Variants in MFAP3L observed in about 807,000 individuals in gnomAD.
The protein encoded by MFAP3L is microfibrillar-associated protein 3-like.
MFAP3L carries 5 observed loss-of-function variants against 20.0 expected under a neutral mutation model. That is an observed-to-expected ratio of 0.25 (90% CI 0.13 to 0.53). MFAP3L has a LOEUF of 0.53. Ranked by LOEUF, MFAP3L falls within the 20% of genes least tolerant of loss-of-function variation. MFAP3L has a pLI of 0.96. For synonymous variants in MFAP3L, 219 were observed against 213.0 expected, an observed-to-expected ratio of 1.03 and a Z score of -0.25; for missense variants, 409 against 527.5, an observed-to-expected ratio of 0.78 and a Z score of 2.20.
chr4:170,013,486 G>T (rs1739508450), intron 1 of MFAP3L, among the ~76,000 whole-genome samples: 3 of 152,062 alleles, frequency 2.0e-5, no homozygotes, highest in African/African-American at 7.2e-5. Flanking sequence ...CATTAGACTT[G>T]GAAAAACTTG....
intron 2 of MFAP3L, chr4:170,003,941 G>A: frequency 1.4e-6 from 1 of 712,554 alleles, no homozygotes; most frequent in Non-Finnish European, 1.7e-6. Context: ...ACTGTCAGTA[G>A]TGAAGGTTCT....
chr4:169,988,655 G>A lies in MFAP3L; in HGVS notation c.*2723C>T, dbSNP rs1046864944. 1 of 152,202 alleles carries A rather than the reference G, an allele frequency of 6.6e-6. No individual in the cohort carries two copies. Among genetic ancestry groups the A allele is most frequent in the Non-Finnish European group, 1.5e-5 (1 of 68,036 alleles). The allele number at this position is 152,202 out of a possible 1,614,324, so 9.4% of individuals were successfully genotyped here. A position where few individuals can be genotyped will look rare whatever the true frequency, so the allele number is the denominator to read the frequency against. On this transcript the variant is annotated 3_prime_UTR_variant, in exon 3 of 3. Coordinates refer to ENST00000361618, the MANE Select transcript of MFAP3L (RefSeq NM_021647.8). Reference sequence around the variant, plus strand: ...TCTTCTGCATTTCATATTCTAGCAGGAGGGCCTCTCATTTCATAAAGAAGC... The same window carrying A: ...TCTTCTGCATTTCATATTCTAGCAGAAGGGCCTCTCATTTCATAAAGAAGC...
Position 169,988,276 on chromosome 4 carries a change from CAT to C in MFAP3L, c.*3100_*3101del, listed in dbSNP as rs1464845423. 5 of 152,118 alleles carry C rather than the reference CAT, an allele frequency of 3.3e-5. No homozygotes were observed. Among genetic ancestry groups the C allele is most frequent in the Non-Finnish European group, 5.9e-5 (4 of 68,018 alleles). 9.4% of individuals were successfully genotyped at this position (152,118 alleles called of 1,614,324 possible). The stretch of plus-strand genomic sequence containing the variant: ...TATAAAACAAAACCATTATAAATTA[CAT>C]AGATTTTTCCATATAAAATTGTTTT... On this transcript the variant is annotated 3_prime_UTR_variant, in exon 3 of 3. Transcript: ENST00000361618.
chr4:169,994,089 G>T, intron 2 of MFAP3L: 1 of 799,898 alleles, frequency 1.3e-6, no homozygotes, highest in Non-Finnish European at 1.5e-6. Flanking sequence ...ACTACAGCAG[G>T]CATGGACAAA....
chr4:169,992,130 C>A lies in MFAP3L; in HGVS notation c.478G>T (p.Ala160Ser). ...TTGAGGACCATGACGATGGTGAAGG[C>A]CACCAGGCACACGACCATGTAGTAG... is the stretch of plus-strand genomic sequence containing the variant. ...GVYYMVVCLV[A>S]FTIVMVLNIT... Residue 160 changes from alanine to serine, a missense_variant, in exon 3 of 3, where the codon GCC (alanine) becomes TCC (serine). This residue lies in a region of MFAP3L where 127 missense variants were observed against 218.1 expected (regional missense o/e 0.58). Transcript: ENST00000361618. This position sits in a 1 kb window ranked among gnomAD's most constrained non-coding sequence, Gnocchi z 4.3. 1 of 1,614,136 alleles carries A rather than the reference C, an allele frequency of 6.2e-7. No homozygotes were observed. Among genetic ancestry groups the A allele is most frequent in the Non-Finnish European group, 8.5e-7 (1 of 1,180,034 alleles).
intron 1 of MFAP3L, among the ~76,000 whole-genome samples, chr4:170,013,196 TG>T (rs550226364): frequency 9.8e-5 from 15 of 152,324 alleles, no homozygotes; most frequent in African/African-American, 3.6e-4. Flanking sequence ...AGAAATATAC[TG>T]TTTAAATTGC....
rs775007085 is a variant in MFAP3L, at chr4:170,005,752, G to T, written c.126C>A (p.Val42=). 6.2e-7 allele frequency: 1 copy of T among 1,614,222 alleles called. No individual in the cohort carries two copies. Among genetic ancestry groups the T allele is most frequent in the Non-Finnish European group, 8.5e-7 (1 of 1,180,042 alleles). ...CAATGATTACGGGCACAGAGCCCAAGACCACGTTAGTGCCATTTAAAGTGC... is the reference window on the plus strand; with the variant it reads ...CAATGATTACGGGCACAGAGCCCAATACCACGTTAGTGCCATTTAAAGTGC... ...TNSTLNGTNV[V]LGSVPVIIAR... Residue 42 remains valine, a synonymous_variant, in exon 2 of 3, where the codon GTC becomes GTA. Transcript: ENST00000361618.
intron 2 of MFAP3L, among the ~76,000 whole-genome samples, chr4:169,999,276 A>T (rs1738441667): frequency 6.6e-6 from 1 of 152,186 alleles, no homozygotes; most frequent in African/African-American, 2.4e-5. Flanking sequence ...GTGGCCTGGG[A>T]TAATATGGGC....
chr4:170,018,556 C>T (rs1414693640), intron 1 of MFAP3L, among the ~76,000 whole-genome samples: 1 of 152,174 alleles, frequency 6.6e-6, no homozygotes, highest in African/African-American at 2.4e-5. Context: ...GGCAAGAAGA[C>T]ATCAGAAGTC....
upstream of MFAP3L, chr4:170,027,002 C>T (rs1730490132): frequency 6.6e-6 from 1 of 152,162 alleles, no homozygotes; most frequent in African/African-American, 2.4e-5. Flanking sequence ...GAAAAAAACC[C>T]AGCGGGCCGT....
chr4:169,999,869 C>T (rs1240180731), intron 2 of MFAP3L, among the ~76,000 whole-genome samples: 2 of 152,162 alleles, frequency 1.3e-5, no homozygotes, highest in East Asian at 1.9e-4. Flanking sequence ...TTTCTCAACT[C>T]GGGTACTACT....
At chr4:169,995,845 T>C (rs939954611) in intron 2 of MFAP3L, among the ~76,000 whole-genome samples, 2 of 152,084 alleles carry the variant, frequency 1.3e-5, no homozygotes, top group African/African-American at 4.8e-5. Flanking sequence ...ACCCAAAATG[T>C]CAGTAGCAGA....
intron 1 of MFAP3L, among the ~76,000 whole-genome samples, chr4:170,019,783 G>A (rs1347473446): frequency 1.3e-5 from 2 of 152,160 alleles, no homozygotes; most frequent in Non-Finnish European, 2.9e-5. Flanking sequence ...ATCCTCAGTG[G>A]AAGGAAGGGG....
rs1739007685 is a variant in MFAP3L, at chr4:170,005,989, G to C, written c.-112C>G. On this transcript the variant is annotated 5_prime_UTR_variant, in exon 2 of 3. Transcript: ENST00000361618. ...GGGACAAACCTGTCCTGGGTCCATA[G>C]AGTTGGTACTTGAGCAAGAACCTGT... 1 of 1,454,628 alleles carries C rather than the reference G, an allele frequency of 6.9e-7. No individual in the cohort carries two copies. The highest frequency in any genetic ancestry group is 9.0e-7 in the Non-Finnish European group (1 of 1,105,638). The allele number at this position is 1,454,628 out of a possible 1,614,324, so 90.1% of individuals were successfully genotyped here.
rs1444772693 is a variant in MFAP3L at position 169,987,639 on chromosome 4, T to C, written c.*3739A>G. 2.6e-5 allele frequency: 4 copies of C among 152,184 alleles called. No individual in the cohort carries two copies. Among genetic ancestry groups the C allele is most frequent in the African/African-American group, 7.2e-5 (3 of 41,440 alleles). 9.4% of individuals were successfully genotyped at this position (152,184 alleles called of 1,614,324 possible). On this transcript the variant is annotated 3_prime_UTR_variant, in exon 3 of 3. Transcript: ENST00000361618. ...GCAGCTGGAATTGGTGTTTCTACAG[T>C]CAAGTTAATTTGTGTTGGCTGCACG...
intron 2 of MFAP3L, among the ~76,000 whole-genome samples, chr4:169,998,956 C>A (rs111962413): frequency 6.6e-6 from 1 of 152,152 alleles, no homozygotes; most frequent in African/African-American, 2.4e-5. Flanking sequence ...GCACAAAATG[C>A]GTGCATATGT....
chr4:170,026,607 CG>C (rs1368090483), upstream of MFAP3L, among the ~76,000 whole-genome samples: 2 of 151,996 alleles, frequency 1.3e-5, no homozygotes, highest in East Asian at 3.9e-4. Flanking sequence ...CTGTAGTTGC[CG>C]GGGAGTCCCG....
Position 169,990,275 on chromosome 4 carries a change from T to G in MFAP3L, c.*1103A>C, listed in dbSNP as rs758204064. On this transcript the variant is annotated 3_prime_UTR_variant, in exon 3 of 3. Coordinates refer to ENST00000361618, the MANE Select transcript of MFAP3L (RefSeq NM_021647.8). ...TTTGGCATAAAATCTGATGGCACAG[T>G]TCCCTTTGCTATTACCCTAACCTTT... The G allele has an allele frequency of 6.6e-6, 1 of 152,240 alleles. No homozygotes were observed. The highest frequency in any genetic ancestry group is 1.5e-5 in the Non-Finnish European group (1 of 68,042). 9.4% of individuals were successfully genotyped at this position (152,240 alleles called of 1,614,324 possible). A position where few individuals can be genotyped will look rare whatever the true frequency, so the allele number is the denominator to read the frequency against.
chr4:169,998,030 A>T (rs933138161), intron 2 of MFAP3L, among the ~76,000 whole-genome samples: 4 of 152,080 alleles, frequency 2.6e-5, no homozygotes, highest in African/African-American at 9.7e-5. Flanking sequence ...AATAATAATA[A>T]AAAAAATCTT....
Sources: allele counts gnomAD v4.1 joint callset (sites outside exome capture counted in the v4.1 genomes callset), GRCh38; gene constraint gnomAD v4.1.1; regional missense constraint gnomAD v4.1.1; non-coding constraint Gnocchi (gnomAD v3.1); transcripts MANE v1.5; gene names NCBI Gene and HGNC (gene_info 2026-07-23, HGNC 2026-07-21).